PRSS23: variants seen among roughly 807,000 people sequenced by gnomAD.
The protein encoded by PRSS23 is protease, serine 23.
A neutral mutation model predicts 34.7 loss-of-function variants in PRSS23; 25 were observed. The observed-to-expected ratio is 0.72, with a 90% CI of 0.53 to 1.01. PRSS23 has a LOEUF of 1.01. Among genes scored for constraint, PRSS23 ranks in the 50% least tolerant of loss-of-function variants. The probability of loss-of-function intolerance (pLI) is 0.00; values close to 1 mark genes in which losing one functional copy is unlikely to be tolerated. For synonymous variants in PRSS23, 176 were observed against 186.6 expected (o/e 0.94, Z 0.46); for missense variants, 445 against 475.6 (o/e 0.94, Z 0.60).
chr11:86,876,865 G>A (rs536110969), intron 2 of PRSS23, among the ~76,000 whole-genome samples: 1 of 152,292 alleles, frequency 6.6e-6, no homozygotes, highest in East Asian at 1.9e-4. Flanking sequence ...AAATAGGACA[G>A]GCTAAATAGG....
At chr11:86,801,231 G>A (rs1040291634) in intron 1 of PRSS23, among the ~76,000 whole-genome samples, 6 of 152,184 alleles carry the variant, frequency 3.9e-5, no homozygotes, top group African/African-American at 1.2e-4. Context: ...AGACACTACA[G>A]TCTGAACTAA....
At chr11:86,830,191 A>C (rs986081722) in intron 2 of PRSS23, among the ~76,000 whole-genome samples, 16 of 152,108 alleles carry the variant, frequency 1.1e-4, no homozygotes, top group Non-Finnish European at 1.3e-4. Flanking sequence ...AAGCCCGGGC[A>C]ATGGTGGGCG....
At chr11:86,820,851 A>G (rs991137944) in intron 1 of PRSS23, among the ~76,000 whole-genome samples, 1 of 152,208 alleles carries the variant, frequency 6.6e-6, no homozygotes, top group African/African-American at 2.4e-5. Context: ...ATTGTGATCC[A>G]ATGATTGTTT....
At chr11:86,826,231 T>G (rs1417307896) in intron 2 of PRSS23, among the ~76,000 whole-genome samples, 1 of 151,620 alleles carries the variant, frequency 6.6e-6, no homozygotes, top group Non-Finnish European at 1.5e-5. Flanking sequence ...TATTTTATTC[T>G]CTTTGAAGCA....
rs1948047956 is a variant in PRSS23 at position 86,802,171 on chromosome 11, C to T, written c.-14+1520C>T. Reference sequence around the variant, plus strand: ...ACCAGGCATTATTCATGCCTAACTCCCACAGACTCCAGGGAATTTGTTTCT... The same window carrying T: ...ACCAGGCATTATTCATGCCTAACTCTCACAGACTCCAGGGAATTTGTTTCT... On this transcript the variant is annotated intron_variant, in intron 1 of 1. Coordinates refer to ENST00000280258, the MANE Select transcript of PRSS23 (RefSeq NM_007173.6). 2.0e-5 allele frequency among the ~76,000 whole-genome samples: 3 copies of T among 152,278 alleles called. No homozygotes were observed. In the South Asian group the frequency reaches 6.2e-4, roughly 32 times the overall value.
chr11:86,821,077 A>G (rs1186255893), intron 1 of PRSS23: 3 of 324,002 alleles, frequency 9.3e-6, no homozygotes, highest in Middle Eastern at 1.4e-3. Flanking sequence ...TGTGTCTAAA[A>G]TGATATATAC....
intron 2 of PRSS23, among the ~76,000 whole-genome samples, chr11:86,939,413 T>TAA (rs1282655402): frequency 1.8e-4 from 15 of 82,392 alleles, no homozygotes; most frequent in Non-Finnish European, 3.2e-4. Context: ...AATATATATA[T>TAA]ATATATATAT....
At chr11:86,826,431 T>G (rs1214627113) in intron 2 of PRSS23, among the ~76,000 whole-genome samples, 4 of 152,244 alleles carry the variant, frequency 2.6e-5, no homozygotes, top group Non-Finnish European at 5.9e-5. Context: ...AATCATGTCA[T>G]CTGCAAACAG....
chr11:86,826,009 C>A (rs1217132537), intron 2 of PRSS23, among the ~76,000 whole-genome samples: 10 of 152,150 alleles, frequency 6.6e-5, no homozygotes, highest in Admixed American at 6.5e-4. Context: ...TTTTCCAATT[C>A]TGTGAAGAAA....
chr11:86,817,108 A>G (rs1948219805), intron 1 of PRSS23, among the ~76,000 whole-genome samples: 1 of 151,676 alleles, frequency 6.6e-6, no homozygotes, highest in African/African-American at 2.4e-5. Context: ...TTGCTTGAAA[A>G]TATGGTTTTT....
In PRSS23 at chr11:86,808,445, CCTG is replaced by C; in HGVS notation, c.805_807del (p.Ala269del). On this transcript the variant is annotated inframe_deletion, in exon 2 of 2. Coordinates refer to ENST00000280258, the MANE Select transcript of PRSS23 (RefSeq NM_007173.6). Reference sequence around the variant, plus strand: ...ATTTATGAAGATTGGGGTGAGCCCTCCTGCTAAGCAGCTGCCAGGGGGCAGAAT... The same window carrying C: ...ATTTATGAAGATTGGGGTGAGCCCTCCTAAGCAGCTGCCAGGGGGCAGAAT... 3.1e-6 allele frequency: 5 copies of C among 1,614,236 alleles called. No individual in the cohort carries two copies. The highest frequency in any genetic ancestry group is 4.2e-6 in the Non-Finnish European group (5 of 1,180,048).
At chr11:86,829,716 C>G (rs12421270) in intron 2 of PRSS23, among the ~76,000 whole-genome samples, 27,596 of 152,096 alleles carry the variant, frequency 0.18, 2,786 homozygotes, top group East Asian at 0.46. Flanking sequence ...AGACAGGACC[C>G]TCAGCTGCAG....
At chr11:86,887,698 A>C (rs1948812441) in intron 2 of PRSS23, among the ~76,000 whole-genome samples, 1 of 152,176 alleles carries the variant, frequency 6.6e-6, no homozygotes, top group Admixed American at 6.5e-5. Context: ...AGTCCGGTGT[A>C]CTGGGAGTAG....
chr11:86,940,644 G>T (rs1590937718), intron 2 of PRSS23: 1 of 152,116 alleles, frequency 6.6e-6, no homozygotes, highest in African/African-American at 2.4e-5. Context: ...GAGAGAATAC[G>T]GCCTCCAAGG....
chr11:86,857,486 T>C, intron 2 of PRSS23: 1 of 409,424 alleles, frequency 2.4e-6, no homozygotes, highest in Non-Finnish European at 4.8e-6. Context: ...AATTATAGAT[T>C]TCCACATTCT....
intron 2 of PRSS23, among the ~76,000 whole-genome samples, chr11:86,914,937 A>G (rs1949002334): frequency 6.6e-6 from 1 of 152,238 alleles, no homozygotes; most frequent in Non-Finnish European, 1.5e-5. Context: ...ATGGGGCACA[A>G]ATAACCACGA....
intron 2 of PRSS23, among the ~76,000 whole-genome samples, chr11:86,941,772 C>T (rs1197704678): frequency 6.6e-6 from 1 of 152,172 alleles, no homozygotes; most frequent in African/African-American, 2.4e-5. Flanking sequence ...GGAGAATTTT[C>T]TTGGGGGCTA....
At chr11:86,876,408 C>A (rs1044661488) in intron 2 of PRSS23, among the ~76,000 whole-genome samples, 12 of 152,314 alleles carry the variant, frequency 7.9e-5, no homozygotes, top group Middle Eastern at 3.4e-3. Context: ...ACCATTATTG[C>A]CTCAGTTTCC....
chr11:86,837,268 A>G (rs1206758381), intron 2 of PRSS23: 1 of 152,274 alleles, frequency 6.6e-6, no homozygotes, highest in Non-Finnish European at 1.5e-5. Context: ...GAACATTTAT[A>G]AACACTGTGT....
Sources: allele counts gnomAD v4.1 joint callset (sites outside exome capture counted in the v4.1 genomes callset), GRCh38; gene constraint gnomAD v4.1.1; transcripts MANE v1.5; gene names NCBI Gene and HGNC (gene_info 2026-07-23, HGNC 2026-07-21).